The following ADARB1 variants were observed in gnomAD, a reference collection of about 807,000 sequenced individuals.
ADARB1 encodes double-stranded RNA-specific editase 1.
A neutral mutation model predicts 52.4 loss-of-function variants in ADARB1; 10 were observed. The observed-to-expected ratio is 0.19, with a 90% CI of 0.12 to 0.32. The LOEUF (loss-of-function observed/expected upper bound fraction) is 0.32, where lower values mean the gene tolerates loss of function less well. Ranked by LOEUF, ADARB1 falls within the 10% of genes least tolerant of loss-of-function variation. The pLI, the probability that ADARB1 is intolerant of heterozygous loss-of-function variation, is 1.00. For missense variants in ADARB1, 643 were observed against 922.3 expected, an observed-to-expected ratio of 0.70 and a Z score of 3.92; for synonymous variants, 349 against 371.1, an observed-to-expected ratio of 0.94 and a Z score of 0.68.
chr21:45,208,153 G>A lies in ADARB1; in HGVS notation c.1747+3417G>A, dbSNP rs941320812. ...TTCCAGCTTCTTATTTATGTCCATT[G>A]ATCTCCTGAGTGTGAGCTCCTCAGC... is the stretch of plus-strand genomic sequence containing the variant. On this transcript the variant is annotated intron_variant, in intron 9 of 10. Coordinates refer to ENST00000348831, the MANE Select transcript of ADARB1 (RefSeq NM_001112.4). The surrounding 1 kb of genome is among the most constrained non-coding windows in gnomAD (Gnocchi z 5.6). 2.0e-5 allele frequency among the ~76,000 whole-genome samples: 3 copies of A among 152,166 alleles called. No individual in the cohort carries two copies. Among genetic ancestry groups the A allele is most frequent in the Admixed American group, 2.0e-4 (3 of 15,276 alleles).
In ADARB1 at chr21:45,226,386, CAT is replaced by C. The variant is rs2093059391; in HGVS notation, c.*4190_*4191del. The C allele has an allele frequency of 6.6e-6, 1 of 152,606 alleles. No homozygotes were observed. Among genetic ancestry groups the C allele is most frequent in the South Asian group, 2.1e-4 (1 of 4,834 alleles). 9.5% of individuals were successfully genotyped at this position (152,606 alleles called of 1,614,324 possible). ...CTATGAATGTAATTCGGCTGAGAAA[CAT>C]GTTGCTGAGATGCAATCCTCAGTGT... On this transcript the variant is annotated 3_prime_UTR_variant, in exon 11 of 11. Coordinates refer to ENST00000348831, the MANE Select transcript of ADARB1 (RefSeq NM_001112.4).
chr21:45,189,953 C>A (rs1227688212), intron 8 of ADARB1, among the ~76,000 whole-genome samples: 1 of 152,034 alleles, frequency 6.6e-6, no homozygotes, highest in African/African-American at 2.4e-5. Context: ...TATTTCATTT[C>A]TTTGAGCTTG....
At chr21:45,095,805 A>G (rs2086734696) in intron 1 of ADARB1, among the ~76,000 whole-genome samples, 2 of 152,342 alleles carry the variant, frequency 1.3e-5, no homozygotes, top group East Asian at 1.9e-4. Flanking sequence ...TGCCTGGGGC[A>G]GGGTCTGTGC....
At chr21:45,118,012 G>T (rs2087926211) in intron 1 of ADARB1, among the ~76,000 whole-genome samples, 1 of 152,236 alleles carries the variant, frequency 6.6e-6, no homozygotes, top group South Asian at 2.1e-4. Context: ...AACATTTGTA[G>T]TGTTTCCCAT....
intron 1 of ADARB1, among the ~76,000 whole-genome samples, chr21:45,096,961 G>A (rs1344029412): frequency 1.3e-5 from 2 of 152,126 alleles, no homozygotes; most frequent in South Asian, 2.1e-4. Context: ...GGATGGTCTC[G>A]ATCTCCTGAC....
chr21:45,149,309 T>C (rs1306193704), intron 2 of ADARB1, among the ~76,000 whole-genome samples: 1 of 152,240 alleles, frequency 6.6e-6, no homozygotes, highest in Non-Finnish European at 1.5e-5. Flanking sequence ...TGCTGATCCA[T>C]GCATGCTGAT....
At position 45,223,090 on chromosome 21, in the gene ADARB1, A is replaced by G; in HGVS notation, c.*893A>G. ...TGGACTAGAAGGAATCACGAGGGCTACTGCACAATACATGGCCTAAGTTCC... is the reference window on the plus strand; with the variant it reads ...TGGACTAGAAGGAATCACGAGGGCTGCTGCACAATACATGGCCTAAGTTCC... On this transcript the variant is annotated 3_prime_UTR_variant, in exon 11 of 11. Coordinates refer to ENST00000348831, the MANE Select transcript of ADARB1 (RefSeq NM_001112.4). 1.0e-6 allele frequency: 1 copy of G among 985,470 alleles called. No homozygotes were observed. The highest frequency in any genetic ancestry group is 4.7e-5 in the South Asian group (1 of 21,286). The allele number at this position is 985,470 out of a possible 1,614,324, so 61.0% of individuals were successfully genotyped here. A position where few individuals can be genotyped will look rare whatever the true frequency, so the allele number is the denominator to read the frequency against.
chr21:45,149,840 C>CA (rs2090193772), intron 2 of ADARB1, among the ~76,000 whole-genome samples: 2 of 152,244 alleles, frequency 1.3e-5, no homozygotes, highest in Non-Finnish European at 2.9e-5. Flanking sequence ...GGCCTACATC[C>CA]TGTTTTTTGT....
intron 1 of ADARB1, among the ~76,000 whole-genome samples, chr21:45,080,056 A>C (rs1027672382): frequency 2.0e-5 from 3 of 152,122 alleles, no homozygotes; most frequent in Non-Finnish European, 2.9e-5. Flanking sequence ...TTTTCTTCTT[A>C]TTCTTCGTGG....
intron 1 of ADARB1, among the ~76,000 whole-genome samples, chr21:45,124,766 G>GGTGATAT (rs1439741072): frequency 3.9e-5 from 1 of 25,520 alleles, no homozygotes; most frequent in Non-Finnish European, 1.0e-4. Context: ...CTTTTTAAAT[G>GGTGATAT]GTGTGTGTGT....
chr21:45,151,169 A>G (rs1385029080), intron 2 of ADARB1, among the ~76,000 whole-genome samples: 1 of 152,254 alleles, frequency 6.6e-6, no homozygotes, highest in Non-Finnish European at 1.5e-5. Context: ...GGTGTGGTGT[A>G]GAACTACAAA....
rs563627176 is a variant in ADARB1, at chr21:45,120,685, A to C, written c.-219-7717A>C. 2.0e-5 allele frequency: 3 copies of C among 152,412 alleles called. No homozygotes were observed. In the East Asian group the frequency reaches 5.8e-4, roughly 29 times the overall value. The allele number at this position is 152,412 out of a possible 1,614,324, so 9.4% of individuals were successfully genotyped here. On this transcript the variant is annotated intron_variant, in intron 1 of 10. Transcript: ENST00000348831. ...CTTATTGTCTTCCTCCAGCAAGGGC[A>C]GGAATGTGGAGAAGCTGTGTGTGCT...
intron 1 of ADARB1, among the ~76,000 whole-genome samples, chr21:45,089,573 A>G (rs912804955): frequency 1.3e-5 from 2 of 151,802 alleles, no homozygotes; most frequent in Non-Finnish European, 2.9e-5. Context: ...ATTTTTCTTT[A>G]ATTTCTTCTA....
intron 1 of ADARB1, among the ~76,000 whole-genome samples, chr21:45,108,750 CATAA>C (rs2087373178): frequency 3.0e-5 from 1 of 33,596 alleles, no homozygotes; most frequent in Non-Finnish European, 6.1e-5. Context: ...TTATGGATTT[CATAA>C]GTCACATGGC....
At chr21:45,098,062 C>A (rs1476971656) in intron 1 of ADARB1, among the ~76,000 whole-genome samples, 1 of 152,238 alleles carries the variant, frequency 6.6e-6, no homozygotes, top group Non-Finnish European at 1.5e-5. Context: ...CTCACCGTCA[C>A]ACCCAGTCCC....
chr21:45,106,344 T>C (rs2087258367), intron 1 of ADARB1, among the ~76,000 whole-genome samples: 1 of 152,244 alleles, frequency 6.6e-6, no homozygotes, highest in South Asian at 2.1e-4. Context: ...AGTACAGATA[T>C]CATCTGTCAC....
intron 9 of ADARB1, among the ~76,000 whole-genome samples, chr21:45,207,083 C>T (rs1285259509): frequency 6.6e-6 from 1 of 152,132 alleles, no homozygotes; most frequent in African/African-American, 2.4e-5. Flanking sequence ...ACCAGGCACC[C>T]CTTGCAATCC....
At chr21:45,196,561 CAG>C (rs1370139786) in intron 8 of ADARB1, among the ~76,000 whole-genome samples, 1 of 152,146 alleles carries the variant, frequency 6.6e-6, no homozygotes, top group Non-Finnish European at 1.5e-5. Flanking sequence ...AACTGACAAA[CAG>C]GGAGAAAATG....
At chr21:45,192,382 C>T (rs1172250147) in intron 8 of ADARB1, among the ~76,000 whole-genome samples, 1 of 152,206 alleles carries the variant, frequency 6.6e-6, no homozygotes, top group East Asian at 1.9e-4. Flanking sequence ...AACAATGTGA[C>T]CTTGCCACTG....
Sources: gnomAD v4.1 joint callset for allele counts (sites outside exome capture counted in the v4.1 genomes callset) on GRCh38, gnomAD v4.1.1 for gene constraint, Gnocchi (gnomAD v3.1) non-coding constraint, MANE v1.5 for transcripts, NCBI Gene and HGNC (gene_info 2026-07-23, HGNC 2026-07-21) for gene names.